TP53BP1: variants seen among roughly 807,000 people sequenced by gnomAD.
The protein encoded by TP53BP1 is tumor protein p53 binding protein 1, also known as TP53-binding protein 1.
Under a neutral mutation model 200.8 loss-of-function variants are expected in TP53BP1, and 61 were observed. The ratio of observed to expected loss-of-function variants is 0.30; its 90% CI spans 0.25 to 0.38. The LOEUF is 0.38. Among genes scored for constraint, TP53BP1 ranks in the 10% least tolerant of loss-of-function variants. The pLI is 1.00. For synonymous variants in TP53BP1, 822 were observed against 844.3 expected (o/e 0.97, Z 0.46); for missense variants, 2,144 against 2,371.9 (o/e 0.90, Z 2.00).
chr15:43,481,460 TACACAC>T (rs61433356), intron 4 of TP53BP1, among the ~76,000 whole-genome samples: 10 of 143,808 alleles, frequency 7.0e-5, no homozygotes, highest in South Asian at 6.8e-4. Flanking sequence ...TGTATATAAA[TACACAC>T]ACACACACAC....
intron 26 of TP53BP1, 180 bp downstream of exon 26, chr15:43,408,717 A>T: frequency 1.6e-6 from 1 of 618,480 alleles, no homozygotes; most frequent in Non-Finnish European, 2.8e-6. Context: ...AAAGGTTCCT[A>T]GCCAATGTAA....
intron 16 of TP53BP1, among the ~76,000 whole-genome samples, chr15:43,435,267 CAAAAAA>C (rs377275791): frequency 1.8e-5 from 1 of 55,698 alleles, no homozygotes; most frequent in Non-Finnish European, 2.9e-5. Context: ...GACCCCATCT[CAAAAAA>C]AAAAAAAAAA....
rs1416061987 is a variant in TP53BP1 at position 43,502,583 on chromosome 15, C to T, written c.-9+7787G>A. Among the ~76,000 whole-genome samples the T allele has an allele frequency of 5.3e-5, 8 of 151,224 alleles. No homozygotes were observed. The East Asian group carries it at 1.6e-3, about 30-fold the overall frequency. ...CATTCTCCTGCCTCAGCCTCCTGAG[C>T]AGCTGGGACTACAGGCGCCCGCCAC... On this transcript the variant is annotated intron_variant, in intron 1 of 27. Coordinates refer to the TP53BP1 transcript ENST00000263801.
intron 16 of TP53BP1, among the ~76,000 whole-genome samples, chr15:43,436,647 T>G (rs1164198510): frequency 6.6e-6 from 1 of 151,252 alleles, no homozygotes; most frequent in Non-Finnish European, 1.5e-5. Context: ...GCTTTTTTTT[T>G]TTTCTTTTTT....
chr15:43,484,518 T>C (rs1236484610), intron 4 of TP53BP1, among the ~76,000 whole-genome samples: 2 of 152,134 alleles, frequency 1.3e-5, no homozygotes, highest in Non-Finnish European at 2.9e-5. Flanking sequence ...TGTCTTCCTA[T>C]CTCACTAAAA....
chr15:43,409,045 G>T lies in TP53BP1; in HGVS notation c.5452C>A (p.Arg1818=). The T allele has an allele frequency of 5.0e-6, 8 of 1,614,166 alleles. No homozygotes were observed. Among genetic ancestry groups the T allele is most frequent in the Non-Finnish European group, 6.8e-6 (8 of 1,180,018 alleles). The change falls in exon 26 of 28, where the codon CGG becomes AGG. Residue 1818 remains arginine, a synonymous_variant. Transcript: ENST00000382044. ...CTGGCAAGGCACAGGAAGTACTTCC[G>T]GGTTCGACAATGCTGATCCGCAATT... ...LLIADQHCRT[R]KYFLCLASGI... is the part of the protein sequence containing the mutation.
chr15:43,504,969 G>A (rs995836353), intron 1 of TP53BP1, among the ~76,000 whole-genome samples: 7 of 152,116 alleles, frequency 4.6e-5, no homozygotes, highest in African/African-American at 9.7e-5. Context: ...GCAGTGAGCC[G>A]AGATCGTGCC....
At chr15:43,439,450 C>T (rs929376278) in intron 15 of TP53BP1, among the ~76,000 whole-genome samples, 1 of 152,110 alleles carries the variant, frequency 6.6e-6, no homozygotes, top group Non-Finnish European at 1.5e-5. Flanking sequence ...GCAGGAGGAT[C>T]GCTTGAGCCT....
intron 16 of TP53BP1, 56 bp from the exon 17 acceptor site, chr15:43,432,733 G>C: frequency 6.5e-7 from 1 of 1,530,146 alleles, no homozygotes; most frequent in East Asian, 2.3e-5. Context: ...ATGTGTGAAC[G>C]TGTGTGTGTG....
chr15:43,488,903 A>G (rs1376243953), intron 4 of TP53BP1, among the ~76,000 whole-genome samples: 3 of 152,150 alleles, frequency 2.0e-5, no homozygotes, highest in Non-Finnish European at 4.4e-5. Context: ...TCAAAAAAAA[A>G]AGTGTTTTGA....
At chr15:43,483,845 T>C (rs912419771) in intron 4 of TP53BP1, among the ~76,000 whole-genome samples, 1 of 152,232 alleles carries the variant, frequency 6.6e-6, no homozygotes, top group Non-Finnish European at 1.5e-5. Context: ...TTGGTGTTTT[T>C]ACCTCATGTC....
intron 8 of TP53BP1, 124 bp downstream of exon 8, chr15:43,477,469 C>A: frequency 1.1e-6 from 1 of 895,538 alleles, no homozygotes; most frequent in Non-Finnish European, 1.6e-6. Context: ...ACACGTTTTC[C>A]TTCCATATCA....
At chr15:43,444,459 G>C (rs545445667) in intron 14 of TP53BP1, among the ~76,000 whole-genome samples, 55 of 152,124 alleles carry the variant, frequency 3.6e-4, no homozygotes, top group Non-Finnish European at 7.2e-4. Context: ...ATGGAACCAT[G>C]TAATACTTTA....
At chr15:43,471,921 TTA>T (rs1004531174) in intron 10 of TP53BP1, among the ~76,000 whole-genome samples, 6 of 152,214 alleles carry the variant, frequency 3.9e-5, no homozygotes, top group Admixed American at 3.3e-4. Context: ...TAGATTGATA[TTA>T]GTCAATTTGG....
Position 43,406,655 on chromosome 15 carries a change from T to C in TP53BP1, c.*728A>G. On this transcript the variant is annotated 3_prime_UTR_variant, in exon 28 of 28. Coordinates refer to ENST00000382044, the MANE Select transcript of TP53BP1 (RefSeq NM_001141980.3). ...GAATGAGAAGCCATGCAGGGATCAG[T>C]GATGCCAGAGGAAGGGAAGGAACTG... 2.2e-6 allele frequency: 1 copy of C among 454,990 alleles called. No individual in the cohort carries two copies. The highest frequency in any genetic ancestry group is 4.4e-6 in the Non-Finnish European group (1 of 226,482). 28.2% of individuals were successfully genotyped at this position (454,990 alleles called of 1,614,324 possible).
intron 17 of TP53BP1, among the ~76,000 whole-genome samples, chr15:43,430,014 CT>C (rs2045634289): frequency 6.6e-6 from 1 of 152,120 alleles, no homozygotes; most frequent in South Asian, 2.1e-4. Context: ...TTAAGCGTGT[CT>C]GAGAGAATAA....
intron 26 of TP53BP1, chr15:43,408,481 A>T (rs2044996349): frequency 3.9e-6 from 1 of 259,426 alleles, no homozygotes; most frequent in Admixed American, 5.0e-5. Flanking sequence ...ACTTCATCTT[A>T]AAAAACTAAG....
At chr15:43,436,462 C>CTATT (rs146721923) in intron 16 of TP53BP1, among the ~76,000 whole-genome samples, 21 of 151,608 alleles carry the variant, frequency 1.4e-4, no homozygotes, top group South Asian at 1.0e-3. Context: ...ATATAAGATA[C>CTATT]TATTTATTTA....
At chr15:43,429,711 G>A (rs551557871) in intron 17 of TP53BP1, among the ~76,000 whole-genome samples, 39 of 152,196 alleles carry the variant, frequency 2.6e-4, no homozygotes, top group African/African-American at 8.7e-4. Context: ...GGCATGAAAC[G>A]CTACTCATCC....
Sources: gnomAD v4.1 joint callset for allele counts (sites outside exome capture counted in the v4.1 genomes callset) on GRCh38, gnomAD v4.1.1 for gene constraint, MANE v1.5 for transcripts, NCBI Gene and HGNC (gene_info 2026-07-23, HGNC 2026-07-21) for gene names.